RBM47: variants seen among roughly 807,000 people sequenced by gnomAD.
RBM47 encodes the protein RNA-binding protein 47.
A neutral mutation model predicts 47.1 loss-of-function variants in RBM47; 21 were observed. The ratio of observed to expected loss-of-function variants is 0.45; its 90% CI spans 0.32 to 0.64. The LOEUF is 0.64. RBM47 is among the 30% of genes least tolerant of loss of function. RBM47 has a pLI of 0.05. For synonymous variants in RBM47, 375 were observed against 361.7 expected, an observed-to-expected ratio of 1.04 and a Z score of -0.42; for missense variants, 708 against 870.9, an observed-to-expected ratio of 0.81 and a Z score of 2.35.
chr4:40,496,287 T>A (rs1008916298), intron 2 of RBM47, among the ~76,000 whole-genome samples: 1 of 151,882 alleles, frequency 6.6e-6, no homozygotes, highest in Admixed American at 6.6e-5. Flanking sequence ...TTCCAAACTG[T>A]CACTTGGTCT....
intron 1 of RBM47, among the ~76,000 whole-genome samples, chr4:40,555,609 T>C (rs1239733004): frequency 2.0e-5 from 3 of 152,230 alleles, no homozygotes; most frequent in Non-Finnish European, 4.4e-5. Context: ...CTTATATTAA[T>C]GCAGAGAAGT....
At chr4:40,462,922 A>G (rs1577694834) in intron 3 of RBM47, among the ~76,000 whole-genome samples, 1 of 152,242 alleles carries the variant, frequency 6.6e-6, no homozygotes, top group Non-Finnish European at 1.5e-5. Flanking sequence ...CCAAAAGCAC[A>G]GCAACAAAAG....
rs770098390 is a variant in RBM47, at chr4:40,565,865, G to A, written c.-239-21359C>T. On this transcript the variant is annotated intron_variant, in intron 1 of 6. Transcript: ENST00000295971. Reference sequence around the variant, plus strand: ...AGGTGGGAGGCTTGCTTGACCCCACGAAAGACCAGCCTGGGTAACATAGGG... The same window carrying A: ...AGGTGGGAGGCTTGCTTGACCCCACAAAAGACCAGCCTGGGTAACATAGGG... 3.3e-5 allele frequency among the ~76,000 whole-genome samples: 5 copies of A among 151,836 alleles called. No individual in the cohort carries two copies. In the East Asian group the frequency reaches 9.7e-4, roughly 29 times the overall value.
At chr4:40,487,532 C>G (rs1486860439) in intron 2 of RBM47, among the ~76,000 whole-genome samples, 1 of 152,102 alleles carries the variant, frequency 6.6e-6, no homozygotes, top group Non-Finnish European at 1.5e-5. Context: ...CTCAAGTGAT[C>G]CACCCACCTT....
intron 3 of RBM47, among the ~76,000 whole-genome samples, chr4:40,454,501 A>G (rs910706612): frequency 4.6e-5 from 7 of 151,776 alleles, no homozygotes; most frequent in African/African-American, 1.2e-4. Flanking sequence ...ACTTATTTTT[A>G]TTCATTTATT....
chr4:40,619,960 G>A (rs1737100304), intron 1 of RBM47, among the ~76,000 whole-genome samples: 1 of 152,178 alleles, frequency 6.6e-6, no homozygotes, highest in Non-Finnish European at 1.5e-5. Flanking sequence ...CACTTCGGGA[G>A]GCCGAGGCCG....
chr4:40,557,442 T>C (rs1730205476), intron 1 of RBM47, among the ~76,000 whole-genome samples: 1 of 152,152 alleles, frequency 6.6e-6, no homozygotes, highest in African/African-American at 2.4e-5. Context: ...CACATCCTAG[T>C]AGCTCCATAA....
chr4:40,568,301 T>G (rs1193677005), intron 1 of RBM47, among the ~76,000 whole-genome samples: 2 of 151,340 alleles, frequency 1.3e-5, no homozygotes, highest in South Asian at 4.2e-4. Flanking sequence ...GGCGGCGCAG[T>G]GCCTCTGGTC....
chr4:40,431,013 G>C (rs1302819613), intron 6 of RBM47, among the ~76,000 whole-genome samples: 1 of 152,080 alleles, frequency 6.6e-6, no homozygotes, highest in African/African-American at 2.4e-5. Flanking sequence ...GAACCAGGGA[G>C]GTTGAGGTTG....
intron 1 of RBM47, among the ~76,000 whole-genome samples, chr4:40,610,473 G>A (rs982225838): frequency 2.6e-5 from 4 of 152,028 alleles, no homozygotes; most frequent in East Asian, 3.9e-4. Flanking sequence ...AGCCAGGCTC[G>A]GTGGCGGGTG....
At chr4:40,583,193 C>G (rs899126546) in intron 1 of RBM47, among the ~76,000 whole-genome samples, 4 of 151,962 alleles carry the variant, frequency 2.6e-5, no homozygotes, top group African/African-American at 9.7e-5. Context: ...TACTGGGAGG[C>G]TGAGGTGGGC....
At chr4:40,461,738 T>C (rs1717167506) in intron 3 of RBM47, among the ~76,000 whole-genome samples, 1 of 152,130 alleles carries the variant, frequency 6.6e-6, no homozygotes, top group Non-Finnish European at 1.5e-5. Context: ...AGACCAGCTA[T>C]GGCTAACATG....
chr4:40,619,737 G>A (rs1374860897), intron 1 of RBM47, among the ~76,000 whole-genome samples: 1 of 152,140 alleles, frequency 6.6e-6, no homozygotes, highest in Non-Finnish European at 1.5e-5. Flanking sequence ...TCACCTATGG[G>A]ATTCCCACCT....
chr4:40,523,151 G>C (rs1053376333), intron 2 of RBM47, among the ~76,000 whole-genome samples: 1 of 151,796 alleles, frequency 6.6e-6, no homozygotes, highest in African/African-American at 2.4e-5. Context: ...ATTTTTAGTA[G>C]AGACAGTGTT....
intron 1 of RBM47, among the ~76,000 whole-genome samples, chr4:40,593,722 T>C (rs1222151075): frequency 6.6e-6 from 1 of 151,618 alleles, no homozygotes; most frequent in Non-Finnish European, 1.5e-5. Flanking sequence ...CTACTAAAAA[T>C]ACAAAAACAA....
At chr4:40,608,985 TTTTA>T (rs369701422) in intron 1 of RBM47, among the ~76,000 whole-genome samples, 171 of 152,002 alleles carry the variant, frequency 1.1e-3, no homozygotes, top group African/African-American at 3.4e-3. Context: ...ATACCTCTTC[TTTTA>T]TTTATTTATT....
At chr4:40,497,532 TG>T (rs556756567) in intron 2 of RBM47, among the ~76,000 whole-genome samples, 160 of 152,142 alleles carry the variant, frequency 1.1e-3, no homozygotes, top group African/African-American at 3.8e-3. Context: ...GGATGGAGGA[TG>T]GCTTGAGTCC....
chr4:40,585,355 T>A (rs1238122480), intron 1 of RBM47, among the ~76,000 whole-genome samples: 1 of 152,144 alleles, frequency 6.6e-6, no homozygotes, highest in Non-Finnish European at 1.5e-5. Flanking sequence ...TTCATATGGA[T>A]CTTCCATTTC....
chr4:40,489,282 G>A (rs1301221370), intron 2 of RBM47, among the ~76,000 whole-genome samples: 1 of 151,924 alleles, frequency 6.6e-6, no homozygotes, highest in Non-Finnish European at 1.5e-5. Flanking sequence ...GAAAAAAGAA[G>A]GGCAAAATAA....
Sources: allele counts gnomAD v4.1 joint callset (sites outside exome capture counted in the v4.1 genomes callset), GRCh38; gene constraint gnomAD v4.1.1; transcripts MANE v1.5; gene names NCBI Gene and HGNC (gene_info 2026-07-23, HGNC 2026-07-21).